HMOX1: variants seen among roughly 807,000 people sequenced by gnomAD.
HMOX1 encodes heme oxygenase 1.
HMOX1 carries 22 observed loss-of-function variants against 27.8 expected under a neutral mutation model. That is an observed-to-expected ratio of 0.79 (90% confidence interval 0.57 to 1.13). The LOEUF (loss-of-function observed/expected upper bound fraction) is 1.13. Among genes scored for constraint, HMOX1 ranks in the 50% most tolerant of loss-of-function variants. HMOX1 has a pLI of 0.00. For synonymous variants in HMOX1, 153 were observed against 151.6 expected, an observed-to-expected ratio of 1.01 and a Z score of -0.07; for missense variants, 379 against 377.7, an observed-to-expected ratio of 1.00 and a Z score of -0.03.
chr22:35,393,682 T>C lies in HMOX1; in HGVS notation c.*84T>C, dbSNP rs1931786392. The C allele has an allele frequency of 6.4e-7, 1 of 1,569,076 alleles. No individual in the cohort carries two copies. The highest frequency in any genetic ancestry group is 2.2e-5 in the East Asian group (1 of 44,528). ...AGAGAGGGAATTCTCTTGGCTGGCT[T>C]CCTTACCGTGGGCACTGAAGGCTTT... is the stretch of plus-strand genomic sequence containing the variant. On this transcript the variant is annotated 3_prime_UTR_variant, in exon 5 of 5. Coordinates refer to ENST00000216117, the MANE Select transcript of HMOX1 (RefSeq NM_002133.3).
At position 35,387,084 on chromosome 22, in the gene HMOX1, TACC is replaced by T; in HGVS notation, c.545_547del (p.Tyr182_Arg183delinsCys). On this transcript the variant is annotated inframe_deletion, in exon 3 of 5. Transcript: ENST00000216117. ...CAGTGCCACCAAGTTCAAGCAGCTC[TACC>T]GCTCCCGCATGAACTCCCTGGAGAT... The T allele has an allele frequency of 6.2e-7, 1 of 1,613,300 alleles. No homozygotes were observed. The highest frequency in any genetic ancestry group is 8.5e-7 in the Non-Finnish European group (1 of 1,179,742).
rs937609914 is a variant in HMOX1 at position 35,387,122 on chromosome 22, A to T, written c.582A>T (p.Ala194=). 6 of 1,613,490 alleles carry T rather than the reference A, an allele frequency of 3.7e-6. No homozygotes were observed. In the African/African-American group the frequency reaches 6.7e-5, roughly 18 times the overall value. The change falls in exon 3 of 5, where the codon GCA becomes GCT. Residue 194 remains alanine, a synonymous_variant. Coordinates refer to ENST00000216117, the MANE Select transcript of HMOX1 (RefSeq NM_002133.3). ...SRMNSLEMTP[A]VRQRVIEEAK... ...TGAACTCCCTGGAGATGACTCCCGC[A>T]GTCAGGCAGAGGGTGATAGAAGAGG...
At chr22:35,384,023 A>G (rs1359108243) in intron 2 of HMOX1, among the ~76,000 whole-genome samples, 1 of 152,106 alleles carries the variant, frequency 6.6e-6, no homozygotes, top group East Asian at 1.9e-4. Flanking sequence ...CCTTCATCCC[A>G]GTCCCTTTTG....
chr22:35,394,157 G>A lies in HMOX1; in HGVS notation c.*559G>A, dbSNP rs1177150566. 1 of 177,416 alleles carries A rather than the reference G, an allele frequency of 5.6e-6. No individual in the cohort carries two copies. Among genetic ancestry groups the A allele is most frequent in the East Asian group, 1.4e-4 (1 of 7,198 alleles). 11.0% of individuals were successfully genotyped at this position (177,416 alleles called of 1,614,324 possible). A position where few individuals can be genotyped will look rare whatever the true frequency, so the allele number is the denominator to read the frequency against. On this transcript the variant is annotated 3_prime_UTR_variant, in exon 5 of 5. Coordinates refer to ENST00000216117, the MANE Select transcript of HMOX1 (RefSeq NM_002133.3). The stretch of plus-strand genomic sequence containing the variant: ...GGAGGGAGGTGTTTAACGGCACTGT[G>A]GCCTTGGTCTAACTTTTGTGTGAAA...
chr22:35,393,695 C>T lies in HMOX1; in HGVS notation c.*97C>T. On this transcript the variant is annotated 3_prime_UTR_variant, in exon 5 of 5. Coordinates refer to ENST00000216117, the MANE Select transcript of HMOX1 (RefSeq NM_002133.3). ...TCTTGGCTGGCTTCCTTACCGTGGG[C>T]ACTGAAGGCTTTCAGGGCCTCCAGC... The T allele has an allele frequency of 6.7e-7, 1 of 1,488,830 alleles. No individual in the cohort carries two copies. Among genetic ancestry groups the T allele is most frequent in the Admixed American group, 1.7e-5 (1 of 59,584 alleles). The allele number at this position is 1,488,830 out of a possible 1,614,324, so 92.2% of individuals were successfully genotyped here.
rs58712001 is a variant in HMOX1, at chr22:35,382,517, A to ATTT, written c.24-574_24-572dup. Among the ~76,000 whole-genome samples the ATTT allele has an allele frequency of 7.5e-4, 90 of 119,478 alleles. 1 individual carries two copies. Among genetic ancestry groups the ATTT allele is most frequent in the African/African-American group, 2.3e-3 (80 of 34,098 alleles). The allele number at this position is 119,478 out of a possible 152,430, so 78.4% of individuals were successfully genotyped here. ...CAGGCGCCCACTACCATGCCCGGCT[A>ATTT]TTTTTTTTTTTTTTTTTGTATTTTT... On this transcript the variant is annotated intron_variant, in intron 1 of 4. Coordinates refer to ENST00000216117, the MANE Select transcript of HMOX1 (RefSeq NM_002133.3).
chr22:35,393,513 C>T lies in HMOX1; in HGVS notation c.782C>T (p.Thr261Ile). 2 of 1,614,228 alleles carry T rather than the reference C, an allele frequency of 1.2e-6. No individual in the cohort carries two copies. The highest frequency in any genetic ancestry group is 1.7e-6 in the Non-Finnish European group (2 of 1,180,022). ...ETPRGKPPLNTRSQAPLLRWV... is the reference protein window; with the variant it reads ...ETPRGKPPLNIRSQAPLLRWV... ...CCCAGAGGGAAGCCCCCACTCAACACCCGCTCCCAGGCTCCGCTTCTCCGA... is the reference window on the plus strand; with the variant it reads ...CCCAGAGGGAAGCCCCCACTCAACATCCGCTCCCAGGCTCCGCTTCTCCGA... Residue 261 changes from threonine to isoleucine, a missense_variant, in exon 5 of 5, where the codon ACC becomes ATC. By Grantham distance (89) the Thr-to-Ile change is moderately conservative (BLOSUM62 -1). Coordinates refer to ENST00000216117, the MANE Select transcript of HMOX1 (RefSeq NM_002133.3).
Position 35,394,010 on chromosome 22 carries a change from G to A in HMOX1, c.*412G>A, listed in dbSNP as rs1343253245. On this transcript the variant is annotated 3_prime_UTR_variant, in exon 5 of 5. Coordinates refer to ENST00000216117, the MANE Select transcript of HMOX1 (RefSeq NM_002133.3). ...AACCTGAAAAGATGTTGTGTCTTGTGTTTTTGTCTTATTTTTGTTGGAGCC... is the reference window on the plus strand; with the variant it reads ...AACCTGAAAAGATGTTGTGTCTTGTATTTTTGTCTTATTTTTGTTGGAGCC... The A allele has an allele frequency of 6.4e-6, 2 of 310,648 alleles. No homozygotes were observed. The highest frequency in any genetic ancestry group is 2.2e-5 in the African/African-American group (1 of 46,354). 19.2% of individuals were successfully genotyped at this position (310,648 alleles called of 1,614,324 possible). A position where few individuals can be genotyped will look rare whatever the true frequency, so the allele number is the denominator to read the frequency against.
At chr22:35,384,646 A>G (rs1931463854) in intron 2 of HMOX1, among the ~76,000 whole-genome samples, 1 of 151,704 alleles carries the variant, frequency 6.6e-6, no homozygotes, top group Admixed American at 6.6e-5. Flanking sequence ...TCCAGTGCTC[A>G]CTTACATTAA....
At chr22:35,387,647 T>C (rs1186965678) in intron 3 of HMOX1, among the ~76,000 whole-genome samples, 1 of 152,228 alleles carries the variant, frequency 6.6e-6, no homozygotes, top group African/African-American at 2.4e-5. Context: ...GGTTTACCTC[T>C]TTCTACAAGT....
chr22:35,384,939 A>T (rs1931469423), intron 2 of HMOX1, among the ~76,000 whole-genome samples: 1 of 151,508 alleles, frequency 6.6e-6, no homozygotes, highest in Non-Finnish European at 1.5e-5. Flanking sequence ...GGTCCGTCAC[A>T]CTCAAAAACC....
At chr22:35,384,864 C>T (rs1931468290) in intron 2 of HMOX1, among the ~76,000 whole-genome samples, 1 of 150,770 alleles carries the variant, frequency 6.6e-6, no homozygotes, top group African/African-American at 2.4e-5. Flanking sequence ...AAGCTGGGAC[C>T]AGAGAAAGCA....
At chr22:35,385,253 A>AT (rs1346606121) in intron 2 of HMOX1, among the ~76,000 whole-genome samples, 1 of 151,884 alleles carries the variant, frequency 6.6e-6, no homozygotes, top group Non-Finnish European at 1.5e-5. Flanking sequence ...CACATGGCCA[A>AT]TCTCCTTTAA....
At chr22:35,390,047 G>A (rs192964070) in intron 4 of HMOX1, 84 bp downstream of exon 4, 7 of 955,944 alleles carry the variant, frequency 7.3e-6, no homozygotes, top group Non-Finnish European at 1.1e-5. Flanking sequence ...CTATTCCTCT[G>A]TTTTCTGAAT....
chr22:35,388,451 C>G (rs1049791082), intron 3 of HMOX1, among the ~76,000 whole-genome samples: 1 of 150,300 alleles, frequency 6.7e-6, no homozygotes, highest in African/African-American at 2.5e-5. Context: ...GAGCAAGACT[C>G]TGTCTCAAAA....
chr22:35,381,783 T>TA (rs1487824495), intron 1 of HMOX1, among the ~76,000 whole-genome samples: 1 of 151,880 alleles, frequency 6.6e-6, no homozygotes, highest in Non-Finnish European at 1.5e-5. Flanking sequence ...TTTTTTTTTT[T>TA]AACTCCTGGG....
intron 1 of HMOX1, among the ~76,000 whole-genome samples, chr22:35,382,292 A>G (rs1056386482): frequency 6.6e-6 from 1 of 151,972 alleles, no homozygotes; most frequent in African/African-American, 2.4e-5. Flanking sequence ...CAAAGCTGCG[A>G]GAGCCACCAT....
chr22:35,387,560 C>T (rs1031835614), intron 3 of HMOX1, among the ~76,000 whole-genome samples: 4 of 152,216 alleles, frequency 2.6e-5, no homozygotes, highest in Non-Finnish European at 4.4e-5. Flanking sequence ...TGTGTGTGCA[C>T]TAGTGTATAG....
chr22:35,389,269 TCTCTC>T (rs1259869075), intron 3 of HMOX1, among the ~76,000 whole-genome samples: 2 of 126,482 alleles, frequency 1.6e-5, no homozygotes, highest in East Asian at 4.3e-4. Context: ...TCTCTCTCTC[TCTCTC>T]CTCTCTCTCT....
Sources: allele counts gnomAD v4.1 joint callset (sites outside exome capture counted in the v4.1 genomes callset), GRCh38; gene constraint gnomAD v4.1.1; transcripts MANE v1.5; gene names NCBI Gene and HGNC (gene_info 2026-07-23, HGNC 2026-07-21).